Variants in KCTD16 observed in about 807,000 individuals in gnomAD.
The protein encoded by KCTD16 is BTB/POZ domain-containing protein KCTD16.
In KCTD16, 13 loss-of-function variants were observed where a neutral mutation model predicts 33.2. The ratio of observed to expected loss-of-function variants is 0.39; its 90% CI spans 0.25 to 0.62. The LOEUF (loss-of-function observed/expected upper bound fraction) is 0.62. Among genes scored for constraint, KCTD16 ranks in the 20% least tolerant of loss-of-function variants. The pLI, the probability that KCTD16 is intolerant of heterozygous loss-of-function variation, is 0.50. For missense variants in KCTD16, 441 were observed against 525.1 expected (o/e 0.84, Z 1.57); for synonymous variants, 197 against 195.3 (o/e 1.01, Z -0.07).
At chr5:144,382,688 A>G (rs1752243069) in intron 3 of KCTD16, among the ~76,000 whole-genome samples, 1 of 152,210 alleles carries the variant, frequency 6.6e-6, no homozygotes, top group Admixed American at 6.5e-5. Flanking sequence ...TCAATAGCCA[A>G]GTAGTGAATG....
chr5:144,447,170 A>G (rs1043063131), intron 3 of KCTD16, among the ~76,000 whole-genome samples: 2 of 152,184 alleles, frequency 1.3e-5, no homozygotes, highest in African/African-American at 2.4e-5. Flanking sequence ...ATGCCCATCA[A>G]TGTTAGACTG....
chr5:144,309,879 C>T (rs575479785), intron 3 of KCTD16, among the ~76,000 whole-genome samples: 11 of 151,864 alleles, frequency 7.2e-5, no homozygotes, highest in African/African-American at 2.2e-4. Flanking sequence ...GGTGGGGGGA[C>T]GGCAGCAAAA....
chr5:144,400,480 T>A (rs1351724772), intron 3 of KCTD16, among the ~76,000 whole-genome samples: 2 of 152,174 alleles, frequency 1.3e-5, no homozygotes, highest in African/African-American at 4.8e-5. Flanking sequence ...AACATTTATT[T>A]AGTGTTATTA....
rs141313213 is a variant in KCTD16 at position 144,449,522 on chromosome 5, T to C, written c.833-24138T>C. On this transcript the variant is annotated intron_variant, in intron 3 of 3. Coordinates refer to ENST00000512467, the MANE Select transcript of KCTD16 (RefSeq NM_020768.4). ...TACCCATGTAACAAACGTGCACACATACCCACTGAATCTAAAATAAAAGTT... is the reference window on the plus strand; with the variant it reads ...TACCCATGTAACAAACGTGCACACACACCCACTGAATCTAAAATAAAAGTT... 5.2e-3 allele frequency among the ~76,000 whole-genome samples: 788 copies of C among 152,050 alleles called. 7 individuals are homozygous for C. Among genetic ancestry groups the C allele is most frequent in the African/African-American group, 0.018 (756 of 41,540 alleles).
At chr5:144,171,977 A>G (rs1459642909) in intron 1 of KCTD16, among the ~76,000 whole-genome samples, 1 of 152,220 alleles carries the variant, frequency 6.6e-6, no homozygotes, top group Admixed American at 6.5e-5. Context: ...GGTTTATAGC[A>G]ATAAAATTTA....
intron 3 of KCTD16, among the ~76,000 whole-genome samples, chr5:144,438,675 G>T (rs969494236): frequency 1.3e-5 from 2 of 152,200 alleles, no homozygotes; most frequent in African/African-American, 4.8e-5. Flanking sequence ...TCTCCTTAGA[G>T]CACAGGTGGA....
intron 3 of KCTD16, among the ~76,000 whole-genome samples, chr5:144,317,039 G>T (rs1226076358): frequency 2.0e-5 from 3 of 150,548 alleles, no homozygotes; most frequent in African/African-American, 7.3e-5. Flanking sequence ...TATTTGCCAG[G>T]ATGGTCTCGA....
chr5:144,417,427 A>G (rs552766473), intron 3 of KCTD16, among the ~76,000 whole-genome samples: 1 of 152,168 alleles, frequency 6.6e-6, no homozygotes, highest in Admixed American at 6.6e-5. Context: ...TCTTTGGAGA[A>G]ATGTCTAGTG....
intron 3 of KCTD16, among the ~76,000 whole-genome samples, chr5:144,362,715 G>T (rs939074014): frequency 6.6e-6 from 1 of 152,128 alleles, no homozygotes; most frequent in African/African-American, 2.4e-5. Flanking sequence ...TAGGGTGTTG[G>T]TGGATGTGGT....
intron 2 of KCTD16, among the ~76,000 whole-genome samples, chr5:144,185,946 C>T (rs1457913817): frequency 6.6e-6 from 1 of 152,076 alleles, no homozygotes. Flanking sequence ...GGTAAGATAC[C>T]TGAGGTGCAA....
chr5:144,319,686 C>T (rs1752022860), intron 3 of KCTD16, among the ~76,000 whole-genome samples: 1 of 152,078 alleles, frequency 6.6e-6, no homozygotes, highest in Non-Finnish European at 1.5e-5. Flanking sequence ...TTAAGATTTC[C>T]ATGGATTTTA....
chr5:144,385,947 T>TA (rs1303652173), intron 3 of KCTD16, among the ~76,000 whole-genome samples: 1 of 152,154 alleles, frequency 6.6e-6, no homozygotes, highest in African/African-American at 2.4e-5. Context: ...TACTCTTCAT[T>TA]AAAAATATTC....
chr5:144,414,081 T>C (rs1005449459), intron 3 of KCTD16, among the ~76,000 whole-genome samples: 1 of 152,192 alleles, frequency 6.6e-6, no homozygotes, highest in Non-Finnish European at 1.5e-5. Context: ...GTAAGACTTC[T>C]GGGTGGGTTT....
At chr5:144,267,752 A>G (rs1003511971) in intron 3 of KCTD16, among the ~76,000 whole-genome samples, 1 of 152,170 alleles carries the variant, frequency 6.6e-6, no homozygotes, top group African/African-American at 2.4e-5. Context: ...CAAGTCACAA[A>G]TCTATGGTGA....
At chr5:144,359,698 G>A (rs905604252) in intron 3 of KCTD16, among the ~76,000 whole-genome samples, 2 of 150,650 alleles carry the variant, frequency 1.3e-5, no homozygotes, top group African/African-American at 2.4e-5. Context: ...CCAGGGATGC[G>A]GCTAACCATG....
intron 3 of KCTD16, among the ~76,000 whole-genome samples, chr5:144,393,076 A>G (rs1028506147): frequency 6.6e-6 from 1 of 152,218 alleles, no homozygotes; most frequent in African/African-American, 2.4e-5. Flanking sequence ...TAACAATACT[A>G]TGATGAATGA....
At chr5:144,310,006 G>T (rs974223339) in intron 3 of KCTD16, among the ~76,000 whole-genome samples, 1 of 149,260 alleles carries the variant, frequency 6.7e-6, no homozygotes, top group Non-Finnish European at 1.5e-5. Context: ...TTCCAACTAT[G>T]TTTTGTTTTA....
chr5:144,289,018 A>G (rs1208450107), intron 3 of KCTD16, among the ~76,000 whole-genome samples: 1 of 151,836 alleles, frequency 6.6e-6, no homozygotes, highest in East Asian at 1.9e-4. Context: ...CTGTCTCAAA[A>G]CAAAAACAAA....
At chr5:144,341,280 C>T (rs2126898943) in intron 3 of KCTD16, among the ~76,000 whole-genome samples, 1 of 152,184 alleles carries the variant, frequency 6.6e-6, no homozygotes, top group Admixed American at 6.5e-5. Flanking sequence ...CCCTTTTTTC[C>T]TTCTGGATGG....
Sources: gnomAD v4.1 joint callset for allele counts (sites outside exome capture counted in the v4.1 genomes callset) on GRCh38, gnomAD v4.1.1 for gene constraint, MANE v1.5 for transcripts, NCBI Gene and HGNC (gene_info 2026-07-23, HGNC 2026-07-21) for gene names.